The following DAP variants were observed in gnomAD, a reference collection of about 807,000 sequenced individuals.
The protein encoded by DAP is death associated protein, also known as death-associated protein 1.
DAP carries 8 observed loss-of-function variants against 13.8 expected under a neutral mutation model. That is an observed-to-expected ratio of 0.58 (90% CI 0.34 to 1.05). The LOEUF is 1.05. Ranked by LOEUF, DAP falls within the 50% of genes least tolerant of loss-of-function variation. The pLI is 0.03. For missense variants in DAP, 106 were observed against 133.2 expected, an observed-to-expected ratio of 0.80 and a Z score of 1.01; for synonymous variants, 47 against 47.5, an observed-to-expected ratio of 0.99 and a Z score of 0.04.
At chr5:10,704,628 T>C (rs1166215736) in intron 2 of DAP, among the ~76,000 whole-genome samples, 1 of 152,180 alleles carries the variant, frequency 6.6e-6, no homozygotes, top group Non-Finnish European at 1.5e-5. Flanking sequence ...GTGAAACCCT[T>C]GGCAAAGCAG....
intron 3 of DAP, 93 bp from the exon 4 acceptor site, chr5:10,681,262 G>A (rs1480647200): frequency 1.0e-6 from 1 of 983,382 alleles, no homozygotes; most frequent in Admixed American, 3.0e-5. Context: ...CAGCGTCCCT[G>A]CGGAAGGATA....
intron 1 of DAP, among the ~76,000 whole-genome samples, chr5:10,759,172 G>A (rs1050212308): frequency 9.9e-5 from 15 of 152,226 alleles, no homozygotes; most frequent in Admixed American, 4.6e-4. Context: ...GACAGAGTGA[G>A]ACTCTGTTTC....
chr5:10,706,242 T>C (rs1040969993), intron 2 of DAP, among the ~76,000 whole-genome samples: 2 of 152,258 alleles, frequency 1.3e-5, no homozygotes, highest in African/African-American at 4.8e-5. Context: ...ATACTACTAA[T>C]AATAGCTAGT....
At chr5:10,682,713 A>T (rs1423087704) in intron 3 of DAP, among the ~76,000 whole-genome samples, 1 of 152,274 alleles carries the variant, frequency 6.6e-6, no homozygotes, top group East Asian at 1.9e-4. Context: ...GGTGGCACTG[A>T]GGCCCACACA....
chr5:10,735,262 C>T (rs1323225165), intron 2 of DAP, among the ~76,000 whole-genome samples: 2 of 152,310 alleles, frequency 1.3e-5, no homozygotes, highest in East Asian at 3.9e-4. Flanking sequence ...AGCGCTCCTG[C>T]CTGTCGTCAT....
At chr5:10,700,921 T>C (rs1456126722) in intron 2 of DAP, among the ~76,000 whole-genome samples, 1 of 152,246 alleles carries the variant, frequency 6.6e-6, no homozygotes, top group Admixed American at 6.5e-5. Context: ...CAAGGCAGAA[T>C]GTGTGAAAAC....
At chr5:10,759,794 G>C (rs1481805349) in intron 1 of DAP, among the ~76,000 whole-genome samples, 1 of 115,916 alleles carries the variant, frequency 8.6e-6, no homozygotes, top group Non-Finnish European at 1.6e-5. Context: ...TCGCTTTGTC[G>C]CCAAGGCTGG....
At chr5:10,684,722 A>C (rs1224465107) in intron 2 of DAP, among the ~76,000 whole-genome samples, 1 of 152,138 alleles carries the variant, frequency 6.6e-6, no homozygotes, top group Non-Finnish European at 1.5e-5. Flanking sequence ...CTTATTTTTT[A>C]TGGCTACGTG....
intron 2 of DAP, among the ~76,000 whole-genome samples, chr5:10,711,038 C>T (rs559937238): frequency 1.3e-5 from 2 of 152,312 alleles, no homozygotes; most frequent in Admixed American, 6.5e-5. Context: ...TAAATAACAA[C>T]TGAGGTCTTT....
intron 2 of DAP, among the ~76,000 whole-genome samples, chr5:10,697,573 G>A (rs141135603): frequency 2.6e-5 from 4 of 152,220 alleles, no homozygotes; most frequent in African/African-American, 9.6e-5. Context: ...AGGCTCAAGG[G>A]TCATGTTATA....
intron 2 of DAP, among the ~76,000 whole-genome samples, chr5:10,691,895 T>C (rs1405810751): frequency 6.6e-6 from 1 of 152,210 alleles, no homozygotes; most frequent in Non-Finnish European, 1.5e-5. Flanking sequence ...AAGGACCACA[T>C]CAAACTCTTA....
chr5:10,738,818 C>T (rs1468973170), intron 2 of DAP, among the ~76,000 whole-genome samples: 1 of 152,172 alleles, frequency 6.6e-6, no homozygotes, highest in Admixed American at 6.5e-5. Flanking sequence ...AGTAAACACA[C>T]ACTAAAGCAT....
At chr5:10,685,473 C>A (rs1490177193) in intron 2 of DAP, among the ~76,000 whole-genome samples, 1 of 152,064 alleles carries the variant, frequency 6.6e-6, no homozygotes, top group African/African-American at 2.4e-5. Context: ...AGTTTGCATC[C>A]AAAGCTCAGG....
intron 1 of DAP, among the ~76,000 whole-genome samples, chr5:10,758,437 C>T (rs451520): frequency 5.5e-5 from 5 of 91,350 alleles, no homozygotes; most frequent in East Asian, 3.3e-4. Context: ...AGGGATGCTG[C>T]TGGCATTTGA....
At chr5:10,712,306 C>T (rs1036287175) in intron 2 of DAP, among the ~76,000 whole-genome samples, 2 of 150,488 alleles carry the variant, frequency 1.3e-5, no homozygotes, top group Non-Finnish European at 2.9e-5. Flanking sequence ...CAGTCTGTGG[C>T]ACTTTGTTAA....
intron 2 of DAP, among the ~76,000 whole-genome samples, chr5:10,711,902 C>T (rs956137270): frequency 1.3e-5 from 2 of 152,170 alleles, no homozygotes; most frequent in African/African-American, 4.8e-5. Context: ...CCAGGCAGGG[C>T]AGGAAGGACT....
rs1737959718 is a variant in DAP, at chr5:10,680,618, T to C, written c.*438A>G. ...CCGCCCAAACTCATTCCCTTAGTTC[T>C]TACTCTCCCACAGGTGTTGAGATTT... On this transcript the variant is annotated 3_prime_UTR_variant, in exon 4 of 4. Coordinates refer to ENST00000230895, the MANE Select transcript of DAP (RefSeq NM_004394.3). 9.8e-7 allele frequency: 1 copy of C among 1,021,056 alleles called. No individual in the cohort carries two copies. The highest frequency in any genetic ancestry group is 2.6e-5 in the Admixed American group (1 of 38,234). 63.2% of individuals were successfully genotyped at this position (1,021,056 alleles called of 1,614,324 possible).
intron 2 of DAP, among the ~76,000 whole-genome samples, chr5:10,714,661 T>A (rs930041875): frequency 1.2e-4 from 19 of 152,062 alleles, no homozygotes; most frequent in African/African-American, 4.6e-4. Flanking sequence ...CATGGTGGAA[T>A]CATAATCCCT....
intron 2 of DAP, among the ~76,000 whole-genome samples, chr5:10,687,244 A>C (rs145691627): frequency 6.6e-6 from 1 of 152,230 alleles, no homozygotes; most frequent in Non-Finnish European, 1.5e-5. Context: ...TGTTGTTTTC[A>C]TGTCTGCTAA....
Sources: gnomAD v4.1 joint callset for allele counts (sites outside exome capture counted in the v4.1 genomes callset) on GRCh38, gnomAD v4.1.1 for gene constraint, MANE v1.5 for transcripts, NCBI Gene and HGNC (gene_info 2026-07-23, HGNC 2026-07-21) for gene names.